Variants in CNOT2 observed in about 807,000 individuals in gnomAD.
CNOT2 encodes CCR4-NOT transcription complex subunit 2.
A neutral mutation model predicts 72.1 loss-of-function variants in CNOT2; 7 were observed. The observed-to-expected ratio is 0.10, with a 90% CI of 0.06 to 0.18. CNOT2 has a LOEUF of 0.18. Among genes scored for constraint, CNOT2 ranks in the 10% least tolerant of loss-of-function variants. The pLI, the probability that CNOT2 is intolerant of heterozygous loss-of-function variation, is 1.00. For missense variants in CNOT2, 345 were observed against 660.3 expected, an observed-to-expected ratio of 0.52 and a Z score of 5.23; for synonymous variants, 196 against 225.6, an observed-to-expected ratio of 0.87 and a Z score of 1.17.
chr12:70,303,356 G>A (rs1464539478), intron 2 of CNOT2, among the ~76,000 whole-genome samples: 3 of 152,124 alleles, frequency 2.0e-5, no homozygotes, highest in Admixed American at 6.5e-5. Flanking sequence ...GGCTGGTACC[G>A]GTTGTTCCTT....
At chr12:70,285,516 G>A (rs947058424) in intron 2 of CNOT2, 4 of 151,964 alleles carry the variant, frequency 2.6e-5, no homozygotes, top group Non-Finnish European at 2.9e-5. Context: ...GCACCTGGCC[G>A]CAAAGTTATC....
chr12:70,290,971 TTCAGACCATTTC>T (rs1404939486), intron 2 of CNOT2, among the ~76,000 whole-genome samples: 1 of 152,204 alleles, frequency 6.6e-6, no homozygotes, highest in Non-Finnish European at 1.5e-5. Context: ...ATACACAAAT[TTCAGACCATTTC>T]TCAGCATTTA....
At chr12:70,339,927 T>G (rs1418536318) in intron 11 of CNOT2, among the ~76,000 whole-genome samples, 1 of 152,194 alleles carries the variant, frequency 6.6e-6, no homozygotes, top group Non-Finnish European at 1.5e-5. Context: ...GACCCATGCG[T>G]TCTACTTACA....
chr12:70,268,727 C>T (rs1959165503), intron 1 of CNOT2, among the ~76,000 whole-genome samples: 1 of 151,894 alleles, frequency 6.6e-6, no homozygotes, highest in African/African-American at 2.4e-5. Flanking sequence ...TCCCAAAGTG[C>T]TGGGATTACA....
At chr12:70,335,263 T>C (rs1345491709) in intron 7 of CNOT2, 175 bp from the exon 8 acceptor site, 11 of 479,482 alleles carry the variant, frequency 2.3e-5, no homozygotes. Flanking sequence ...CATGGAATTC[T>C]TTGACATGAA....
chr12:70,300,846 G>A (rs12372703), intron 2 of CNOT2, among the ~76,000 whole-genome samples: 4 of 152,204 alleles, frequency 2.6e-5, no homozygotes, highest in Admixed American at 6.5e-5. Flanking sequence ...TTCTTCCTAC[G>A]TATGAGCATG....
Position 70,290,490 on chromosome 12 carries a change from C to T in CNOT2, c.48+12216C>T, listed in dbSNP as rs565814647. Reference sequence around the variant, plus strand: ...CTGAAAATTCTTTCAGTCTTATAAGCAAGGGTAGTTGTTGAGCCCTCAATG... The same window carrying T: ...CTGAAAATTCTTTCAGTCTTATAAGTAAGGGTAGTTGTTGAGCCCTCAATG... On this transcript the variant is annotated intron_variant, in intron 2 of 15. Transcript: ENST00000229195. 3.9e-5 allele frequency among the ~76,000 whole-genome samples: 6 copies of T among 152,222 alleles called. No individual in the cohort carries two copies. The East Asian group carries it at 9.7e-4, about 25-fold the overall frequency.
chr12:70,311,705 A>G (rs770729987), intron 3 of CNOT2, among the ~76,000 whole-genome samples: 1 of 151,982 alleles, frequency 6.6e-6, no homozygotes, highest in African/African-American at 2.4e-5. Context: ...AAATTATACA[A>G]TGTACTCTCT....
intron 1 of CNOT2, among the ~76,000 whole-genome samples, chr12:70,253,946 A>T (rs1958282585): frequency 6.6e-6 from 1 of 152,152 alleles, no homozygotes; most frequent in African/African-American, 2.4e-5. Flanking sequence ...ACAATAGCTA[A>T]TAATAAAATA....
At chr12:70,352,691 A>G (rs1243334723) in intron 15 of CNOT2, among the ~76,000 whole-genome samples, 3 of 152,208 alleles carry the variant, frequency 2.0e-5, no homozygotes, top group South Asian at 4.1e-4. Flanking sequence ...TTCAGATGGT[A>G]GAATTGGTAA....
intron 10 of CNOT2, 27 bp downstream of exon 10, chr12:70,338,590 G>A: frequency 6.3e-7 from 1 of 1,598,050 alleles, no homozygotes; most frequent in South Asian, 1.1e-5. Context: ...CTATGTCAAA[G>A]ATATTATAGA....
chr12:70,272,594 T>A (rs1868269566), intron 1 of CNOT2, among the ~76,000 whole-genome samples: 2 of 152,160 alleles, frequency 1.3e-5, no homozygotes, highest in Non-Finnish European at 2.9e-5. Flanking sequence ...GTCTGTTGCT[T>A]CTCTCATGCT....
intron 2 of CNOT2, among the ~76,000 whole-genome samples, chr12:70,283,978 C>T (rs558156787): frequency 1.4e-5 from 2 of 138,402 alleles, no homozygotes; most frequent in Non-Finnish European, 3.0e-5. Flanking sequence ...CTCTTGTTGC[C>T]CAGGCTGGAG....
At chr12:70,346,455 A>G (rs1287221680) in intron 15 of CNOT2, 131 bp downstream of exon 15, 15 of 667,036 alleles carry the variant, frequency 2.2e-5, no homozygotes, top group Non-Finnish European at 2.7e-5. Flanking sequence ...GTTTAATTCC[A>G]TCTCCTTGGC....
chr12:70,274,274 A>G (rs10784835), intron 1 of CNOT2, among the ~76,000 whole-genome samples: 31,593 of 151,990 alleles, frequency 0.21, 3,649 homozygotes, highest in African/African-American at 0.31. Context: ...TATTAAGAAA[A>G]CATTGCTTGA....
At chr12:70,259,597 G>A (rs1010613005) in intron 1 of CNOT2, among the ~76,000 whole-genome samples, 8 of 152,040 alleles carry the variant, frequency 5.3e-5, no homozygotes, top group African/African-American at 1.9e-4. Context: ...TCGAACAAAC[G>A]GGTTTGTAGG....
intron 2 of CNOT2, among the ~76,000 whole-genome samples, chr12:70,304,957 G>A (rs770519120): frequency 2.6e-5 from 4 of 152,222 alleles, no homozygotes; most frequent in Non-Finnish European, 5.9e-5. Flanking sequence ...CTCCGTGGGC[G>A]TAGGACCCTC....
At chr12:70,290,951 A>C (rs1871790351) in intron 2 of CNOT2, 1 of 152,232 alleles carries the variant, frequency 6.6e-6, no homozygotes, top group African/African-American at 2.4e-5. Flanking sequence ...AATACTATAC[A>C]GTGTGCAATA....
chr12:70,253,112 T>C (rs1357801184), intron 1 of CNOT2, among the ~76,000 whole-genome samples: 2 of 152,236 alleles, frequency 1.3e-5, no homozygotes, highest in East Asian at 3.8e-4. Flanking sequence ...GTCATATTGC[T>C]CTGTCTGTAG....
Sources: allele counts gnomAD v4.1 joint callset (sites outside exome capture counted in the v4.1 genomes callset), GRCh38; gene constraint gnomAD v4.1.1; transcripts MANE v1.5; gene names NCBI Gene and HGNC (gene_info 2026-07-23, HGNC 2026-07-21).